Variants in CLEC4E observed in about 807,000 individuals in gnomAD.
The protein encoded by CLEC4E is C-type (calcium dependent, carbohydrate-recognition domain) lectin, superfamily member 9.
Under a neutral mutation model 24.7 loss-of-function variants are expected in CLEC4E, and 21 were observed. The ratio of observed to expected loss-of-function variants is 0.85; its 90% CI spans 0.60 to 1.22. The LOEUF (loss-of-function observed/expected upper bound fraction) is 1.22, where lower values mean the gene tolerates loss of function less well. CLEC4E is among the 50% of genes most tolerant of loss of function. The probability of loss-of-function intolerance (pLI) is 0.00; values close to 1 mark genes in which losing one functional copy is unlikely to be tolerated. For synonymous variants in CLEC4E, 94 were observed against 85.7 expected (o/e 1.10, Z -0.54); for missense variants, 249 against 254.1 (o/e 0.98, Z 0.14).
intron 2 of CLEC4E, 57 bp downstream of exon 2, chr12:8,539,798 G>C (rs1182037848): frequency 7.9e-6 from 9 of 1,135,888 alleles, no homozygotes; most frequent in South Asian, 1.2e-5. Flanking sequence ...GCATGGAAGA[G>C]TTTTCTCCTA....
chr12:8,540,137 C>T (rs1295417319), intron 1 of CLEC4E, among the ~76,000 whole-genome samples, 190 bp from the exon 2 acceptor site: 1 of 152,136 alleles, frequency 6.6e-6, no homozygotes, highest in Non-Finnish European at 1.5e-5. Flanking sequence ...ACCCTTACCC[C>T]CAGAGTTAGC....
intron 5 of CLEC4E, among the ~76,000 whole-genome samples, chr12:8,535,431 A>T (rs1474706788): frequency 6.6e-6 from 1 of 152,254 alleles, no homozygotes; most frequent in Non-Finnish European, 1.5e-5. Context: ...GCTATGCTCT[A>T]TCAGGAAGAA....
chr12:8,540,094 C>T, intron 1 of CLEC4E, 147 bp from the exon 2 acceptor site: 1 of 634,510 alleles, frequency 1.6e-6, no homozygotes, highest in Non-Finnish European at 2.8e-6. Context: ...GCTTCAGAAT[C>T]ACTTGGAGGG....
At position 8,539,915 on chromosome 12, in the gene CLEC4E, A is replaced by G; in HGVS notation, c.70T>C (p.Trp24Arg). ...AGGATGGGGATCCCAGCAACAGTCC[A>G]TAAGAACATTTGGGAAGAGAAGCAT... ...RGCFSSQMFL[W>R]TVAGIPILFL... The change falls in exon 2 of 6, where the codon TGG becomes CGG. Residue 24 changes from tryptophan to arginine, a missense_variant. Physicochemically the swap from Trp to Arg is moderately radical, Grantham distance 101. Transcript: ENST00000299663. The G allele has an allele frequency of 1.9e-6, 3 of 1,611,868 alleles. No individual in the cohort carries two copies. The highest frequency in any genetic ancestry group is 1.7e-6 in the Non-Finnish European group (2 of 1,177,920).
Position 8,539,953 on chromosome 12 carries a change from G to T in CLEC4E, c.38-6C>A. 6.4e-7 allele frequency: 1 copy of T among 1,552,910 alleles called. No individual in the cohort carries two copies. Among genetic ancestry groups the T allele is most frequent in the Non-Finnish European group, 8.9e-7 (1 of 1,124,412 alleles). On this transcript the variant is annotated splice_region_variant and splice_polypyrimidine_tract_variant and intron_variant, in intron 1 of 5. Coordinates refer to ENST00000299663, the MANE Select transcript of CLEC4E (RefSeq NM_014358.4). ...GGAAGAGAAGCATCCTCTCTCTGTAGAAAGAAAGACACAAACATGATCAAT... is the reference window on the plus strand; with the variant it reads ...GGAAGAGAAGCATCCTCTCTCTGTATAAAGAAAGACACAAACATGATCAAT...
At position 8,540,001 on chromosome 12, in the gene CLEC4E, GAGAT is replaced by G. The variant is rs113073305; in HGVS notation, c.38-58_38-55del. 3.8e-6 allele frequency: 4 copies of G among 1,050,870 alleles called. No homozygotes were observed. In the African/African-American group the frequency reaches 4.7e-5, roughly 12 times the overall value. The allele number at this position is 1,050,870 out of a possible 1,614,324, so 65.1% of individuals were successfully genotyped here. A position where few individuals can be genotyped will look rare whatever the true frequency, so the allele number is the denominator to read the frequency against. ...AATCTTCCCTAAGCAAGGTACAAAA[GAGAT>G]AGAAGAGATTCTTATTCATCCTTAC... On this transcript the variant is annotated intron_variant, in intron 1 of 5. Transcript: ENST00000299663.
intron 3 of CLEC4E, 167 bp downstream of exon 3, chr12:8,539,050 G>T (rs1940659038): frequency 5.5e-6 from 3 of 548,258 alleles, no homozygotes; most frequent in Non-Finnish European, 9.7e-6. Context: ...ATGTCCCCAA[G>T]ACTTTCTGCC....
chr12:8,534,010 C>T lies in CLEC4E; in HGVS notation c.*628G>A, dbSNP rs1029364006. ...AAAATAAGGCAGAGCAAAGGAAGCC[C>T]CAGGGATGGGTGGACTTGGTTACAG... On this transcript the variant is annotated 3_prime_UTR_variant, in exon 6 of 6. Transcript: ENST00000299663. The T allele has an allele frequency of 3.9e-5, 6 of 152,212 alleles. No individual in the cohort carries two copies. The highest frequency in any genetic ancestry group is 1.4e-4 in the African/African-American group (6 of 41,430). The allele number at this position is 152,212 out of a possible 1,614,324, so 9.4% of individuals were successfully genotyped here.
chr12:8,534,788 G>C lies in CLEC4E; in HGVS notation c.510C>G (p.Pro170=), dbSNP rs1940590985. 1 of 1,613,154 alleles carries C rather than the reference G, an allele frequency of 6.2e-7. No individual in the cohort carries two copies. The highest frequency in any genetic ancestry group is 2.2e-5 in the East Asian group (1 of 44,858). ...AGTCCTCCAGGGTAGCTATGTTGTT[G>C]GGCTCCCCTACATCCCAGAAGCTGA... ...KSLSFWDVGE[P]NNIATLEDCA... The change falls in exon 6 of 6, where the codon CCC becomes CCG. Residue 170 remains proline, a synonymous_variant. Transcript: ENST00000299663.
At position 8,534,514 on chromosome 12, in the gene CLEC4E, A is replaced by G. The variant is rs1393476391; in HGVS notation, c.*124T>C. On this transcript the variant is annotated 3_prime_UTR_variant, in exon 6 of 6. Coordinates refer to ENST00000299663, the MANE Select transcript of CLEC4E (RefSeq NM_014358.4). ...TTTAAAACTACTTATTTTTATTTAT[A>G]TCAGAGTAACAAATACTTATGAAGT... 3.2e-6 allele frequency: 2 copies of G among 617,812 alleles called. No individual in the cohort carries two copies. Among genetic ancestry groups the G allele is most frequent in the Admixed American group, 3.3e-5 (1 of 30,374 alleles). The allele number at this position is 617,812 out of a possible 1,614,324, so 38.3% of individuals were successfully genotyped here.
At chr12:8,537,408 T>TC in intron 3 of CLEC4E, 142 bp from the exon 4 acceptor site, 5 of 618,274 alleles carry the variant, frequency 8.1e-6, no homozygotes, top group Non-Finnish European at 1.4e-5. Flanking sequence ...TATCTAAGAC[T>TC]TTAGATAATT....
At position 8,534,556 on chromosome 12, in the gene CLEC4E, C is replaced by A. The variant is rs930816659; in HGVS notation, c.*82G>T. The A allele has an allele frequency of 2.0e-6, 2 of 1,013,898 alleles. No individual in the cohort carries two copies. Among genetic ancestry groups the A allele is most frequent in the African/African-American group, 1.6e-5 (1 of 61,760 alleles). 62.8% of individuals were successfully genotyped at this position (1,013,898 alleles called of 1,614,324 possible). The stretch of plus-strand genomic sequence containing the variant: ...TTATGAAGTCCTTTGAAGTTCAGCG[C>A]ACAAATTTCTCGTGTGGGGCGGTGG... On this transcript the variant is annotated 3_prime_UTR_variant, in exon 6 of 6. Coordinates refer to ENST00000299663, the MANE Select transcript of CLEC4E (RefSeq NM_014358.4).
At chr12:8,540,419 T>C (rs1325602521) in intron 1 of CLEC4E, among the ~76,000 whole-genome samples, 1 of 151,922 alleles carries the variant, frequency 6.6e-6, no homozygotes, top group Non-Finnish European at 1.5e-5. Context: ...TTTCAAGCGC[T>C]TTGTAAATTA....
intron 5 of CLEC4E, among the ~76,000 whole-genome samples, chr12:8,535,404 G>C (rs892121453): frequency 1.3e-5 from 2 of 151,784 alleles, no homozygotes; most frequent in Non-Finnish European, 2.9e-5. Flanking sequence ...TAATAAATGA[G>C]AAAAAAAATT....
chr12:8,540,675 C>G lies in CLEC4E; in HGVS notation c.37+86G>C, dbSNP rs564109350. 1.9e-4 allele frequency: 234 copies of G among 1,220,518 alleles called. 4 individuals are homozygous for G. The South Asian group carries it at 2.8e-3, about 14-fold the overall frequency. 75.6% of individuals were successfully genotyped at this position (1,220,518 alleles called of 1,614,324 possible). ...CTTTTTTTTTTAACTTCAGTGAATA[C>G]TTTTCTATTGTCCTGTCTTTCACCA... On this transcript the variant is annotated intron_variant, in intron 1 of 5. Transcript: ENST00000299663.
In CLEC4E at chr12:8,534,733, T is replaced by G; in HGVS notation, c.565A>C (p.Arg189=). The change falls in exon 6 of 6, where the codon AGG becomes CGG. Residue 189 remains arginine, a synonymous_variant. Transcript: ENST00000299663. ...CATMRDSSNP[R]QNWNDVTCFL... ...CAGGTTACATCATTCCAATTTTGCC[T>G]TGGGTTTGAAGAGTCTCTCATGGTG... is the stretch of plus-strand genomic sequence containing the variant. The G allele has an allele frequency of 6.2e-7, 1 of 1,614,158 alleles. No homozygotes were observed. The highest frequency in any genetic ancestry group is 1.3e-5 in the African/African-American group (1 of 75,038).
intron 4 of CLEC4E, 123 bp downstream of exon 4, chr12:8,536,992 A>T: frequency 1.2e-6 from 1 of 836,856 alleles, no homozygotes. Flanking sequence ...AATAGTAAGA[A>T]CAGCATGCAT....
intron 5 of CLEC4E, among the ~76,000 whole-genome samples, chr12:8,535,178 G>C (rs1205340215): frequency 1.3e-5 from 2 of 152,114 alleles, no homozygotes; most frequent in Non-Finnish European, 2.9e-5. Flanking sequence ...TCTTTATTCT[G>C]CACAGAGTGT....
chr12:8,534,734 T>C lies in CLEC4E; in HGVS notation c.564A>G (p.Pro188=), dbSNP rs1940589927. The part of the protein sequence containing the change: ...DCATMRDSSN[P]RQNWNDVTCF... ...AGGTTACATCATTCCAATTTTGCCT[T>C]GGGTTTGAAGAGTCTCTCATGGTGG... Residue 188 remains proline (P), a synonymous_variant, in exon 6 of 6, where the codon CCA becomes CCG. Coordinates refer to ENST00000299663, the MANE Select transcript of CLEC4E (RefSeq NM_014358.4). 1 of 1,614,092 alleles carries C rather than the reference T, an allele frequency of 6.2e-7. No individual in the cohort carries two copies. The highest frequency in any genetic ancestry group is 2.2e-5 in the East Asian group (1 of 44,868).
Sources: gnomAD v4.1 joint callset for allele counts (sites outside exome capture counted in the v4.1 genomes callset) on GRCh38, gnomAD v4.1.1 for gene constraint, MANE v1.5 for transcripts, NCBI Gene and HGNC (gene_info 2026-07-23, HGNC 2026-07-21) for gene names.